Variants in SLC29A2 observed in about 807,000 individuals in gnomAD.
SLC29A2 encodes equilibrative nucleoside transporter 2.
A neutral mutation model predicts 48.8 loss-of-function variants in SLC29A2; 37 were observed. The observed-to-expected ratio is 0.76, with a 90% CI of 0.58 to 1.00. The LOEUF (loss-of-function observed/expected upper bound fraction) is 1.00, where lower values mean the gene tolerates loss of function less well. Among genes scored for constraint, SLC29A2 ranks in the 50% least tolerant of loss-of-function variants. The probability of loss-of-function intolerance (pLI) is 0.00; values close to 1 mark genes in which losing one functional copy is unlikely to be tolerated. For synonymous variants in SLC29A2, 233 were observed against 261.7 expected (o/e 0.89, Z 1.06); for missense variants, 533 against 578.6 (o/e 0.92, Z 0.81).
Position 66,364,346 on chromosome 11 carries a change from C to G in SLC29A2, c.1138G>C (p.Val380Leu). ...LFVPLFMLCH[V>L]PQRSRLPILF... ...ATGGGCAGCCGGGACCTCTGGGGCA[C>G]GTGGCACAGCATGAAGAGGGGCACG... The change falls in exon 11 of 12, where the codon GTG (valine) becomes CTG (leucine). Residue 380 changes from valine (V) to leucine (L), a missense_variant. By Grantham distance (32) the Val-to-Leu change is conservative. Coordinates refer to ENST00000357440, the MANE Select transcript of SLC29A2 (RefSeq NM_001532.3). The G allele has an allele frequency of 6.2e-7, 1 of 1,613,938 alleles. No individual in the cohort carries two copies. Among genetic ancestry groups the G allele is most frequent in the East Asian group, 2.2e-5 (1 of 44,872 alleles).
In SLC29A2 at chr11:66,367,552, CAGA is replaced by C. The variant is rs1390385898; in HGVS notation, c.649-7_649-5del. 5.6e-6 allele frequency: 9 copies of C among 1,613,878 alleles called. No individual in the cohort carries two copies. The highest frequency in any genetic ancestry group is 2.7e-5 in the African/African-American group (2 of 74,908). On this transcript the variant is annotated splice_polypyrimidine_tract_variant and splice_region_variant and intron_variant, in intron 6 of 11. Coordinates refer to ENST00000357440, the MANE Select transcript of SLC29A2 (RefSeq NM_001532.3). ...CCAGGTAGTAGCGGGCAAACTTCTG[CAGA>C]AGGACAGGAAAGTGTTGGGCCTGCC...
chr11:66,369,065 A>G lies in SLC29A2; in HGVS notation c.410T>C (p.Ile137Thr). ...FSITMASVCF[I>T]NSFSAVLQGS... The stretch of plus-strand genomic sequence containing the variant: ...GAGGGGGTGGAGGTGCTCACAGTTG[A>G]TGAAGCAGACGGAGGCCATGGTGAT... Residue 137 changes from isoleucine to threonine, a missense_variant, in exon 4 of 12, where the codon ATC (isoleucine) becomes ACC (threonine). By Grantham distance (89) the Ile-to-Thr change is moderately conservative. Coordinates refer to ENST00000357440, the MANE Select transcript of SLC29A2 (RefSeq NM_001532.3). The G allele has an allele frequency of 3.1e-6, 5 of 1,600,308 alleles. No individual in the cohort carries two copies. The highest frequency in any genetic ancestry group is 4.3e-6 in the Non-Finnish European group (5 of 1,173,710).
chr11:66,371,887 C>T, upstream of SLC29A2: 1 of 489,072 alleles, frequency 2.0e-6, no homozygotes, highest in South Asian at 2.7e-5. Flanking sequence ...ACCTAGGGGC[C>T]TGCGGAACCC....
chr11:66,363,731 A>T (rs1475994512), intron 11 of SLC29A2, 184 bp from the exon 12 acceptor site: 7 of 626,124 alleles, frequency 1.1e-5, no homozygotes, highest in African/African-American at 1.8e-5. Context: ...GATGTCTCTC[A>T]GGGCCTCTGA....
chr11:66,367,635 G>T, intron 6 of SLC29A2, 87 bp from the exon 7 acceptor site: 1 of 1,512,522 alleles, frequency 6.6e-7, no homozygotes, highest in Non-Finnish European at 9.2e-7. Context: ...GGAGGCTGGG[G>T]CCCCTCAGTG....
Position 66,369,193 on chromosome 11 carries a change from C to T in SLC29A2, c.282G>A (p.Pro94=), listed in dbSNP as rs755913191. Residue 94 remains proline, a synonymous_variant, in exon 4 of 12, where the codon CCG becomes CCA. Transcript: ENST00000357440. ...LLNSFLYQCV[P]ETVRILGSLL... is the part of the protein sequence containing the mutation. ...GGCTGCCCAGAATGCGCACCGTCTC[C>T]GGGACGCTGCTCAGAAGCAGGCAGA... 9 of 1,574,412 alleles carry T rather than the reference C, an allele frequency of 5.7e-6. No homozygotes were observed. The highest frequency in any genetic ancestry group is 3.5e-5 in the South Asian group (3 of 86,642).
chr11:66,367,396 C>T lies in SLC29A2; in HGVS notation c.733+68G>A, dbSNP rs1855761154. On this transcript the variant is annotated intron_variant, in intron 7 of 11. Coordinates refer to ENST00000357440, the MANE Select transcript of SLC29A2 (RefSeq NM_001532.3). ...CTCTGGCTGGGAACAGATGGAACAG[C>T]TTCCCAGGGGAGGTGGCTCTAGCTT... is the stretch of plus-strand genomic sequence containing the variant. 2.2e-6 allele frequency: 3 copies of T among 1,348,438 alleles called. No individual in the cohort carries two copies. In the Admixed American group the frequency reaches 5.0e-5, roughly 23 times the overall value. The allele number at this position is 1,348,438 out of a possible 1,614,324, so 83.5% of individuals were successfully genotyped here.
chr11:66,372,015 C>G (rs1856081426), upstream of SLC29A2: 1 of 225,556 alleles, frequency 4.4e-6, no homozygotes, highest in Admixed American at 5.8e-5. Flanking sequence ...CTCACCTCCA[C>G]CCCCCGCCGA....
chr11:66,367,305 G>T (rs1855754649), intron 7 of SLC29A2, among the ~76,000 whole-genome samples, 159 bp downstream of exon 7: 1 of 152,182 alleles, frequency 6.6e-6, no homozygotes, highest in Non-Finnish European at 1.5e-5. Flanking sequence ...CAACAGCAGG[G>T]ATGACTTTAA....
At chr11:66,367,661 AG>A in intron 6 of SLC29A2, 110 bp downstream of exon 6, 2 of 1,461,184 alleles carry the variant, frequency 1.4e-6, no homozygotes, top group Non-Finnish European at 1.9e-6. Context: ...TCTGGGGGTC[AG>A]GGCTGAGACC....
rs1277838469 is a variant in SLC29A2 at position 66,367,530 on chromosome 11, G to A, written c.667C>T (p.Leu223=). ...LPHLKFARYY[L]ANKSSQAQAQ... The stretch of plus-strand genomic sequence containing the variant: ...TGGGCCTGGGATGATTTATTGGCCA[G>A]GTAGTAGCGGGCAAACTTCTGCAGA... Residue 223 remains leucine (L), a synonymous_variant, in exon 7 of 12, where the codon CTG becomes TTG. Coordinates refer to ENST00000357440, the MANE Select transcript of SLC29A2 (RefSeq NM_001532.3). The A allele has an allele frequency of 1.9e-6, 3 of 1,614,174 alleles. No homozygotes were observed. Among genetic ancestry groups the A allele is most frequent in the South Asian group, 1.1e-5 (1 of 91,082 alleles).
chr11:66,371,233 A>G lies in SLC29A2; in HGVS notation c.111+11T>C, dbSNP rs1286392951. Reference sequence around the variant, plus strand: ...GTGGCCACGAGGCTGCCACGCCGCCAGGAGTCTCACCGGGATGGCGGTGAT... The same window carrying G: ...GTGGCCACGAGGCTGCCACGCCGCCGGGAGTCTCACCGGGATGGCGGTGAT... On this transcript the variant is annotated intron_variant, in intron 2 of 11. Transcript: ENST00000357440. 13 of 1,612,842 alleles carry G rather than the reference A, an allele frequency of 8.1e-6. No homozygotes were observed. In the East Asian group the frequency reaches 2.7e-4, roughly 33 times the overall value.
chr11:66,363,949 C>T (rs1855513966), intron 11 of SLC29A2, among the ~76,000 whole-genome samples: 1 of 80,474 alleles, frequency 1.2e-5, no homozygotes, highest in Non-Finnish European at 3.7e-5. Flanking sequence ...GACAGTTCAA[C>T]CCATTTTTTT....
At position 66,371,681 on chromosome 11, in the gene SLC29A2, CG is replaced by C. The variant is rs1856057098; in HGVS notation, c.-91del. On this transcript the variant is annotated 5_prime_UTR_variant, in exon 1 of 12. Coordinates refer to ENST00000357440, the MANE Select transcript of SLC29A2 (RefSeq NM_001532.3). ...GGCGGAGGGCCGCAGACCGGTGGGG[CG>C]GGGGGCGGGTCTCCCCAGATTCCGG... The C allele has an allele frequency of 2.1e-5, 19 of 911,418 alleles. No homozygotes were observed. The highest frequency in any genetic ancestry group is 2.8e-5 in the Non-Finnish European group (17 of 601,576). 56.5% of individuals were successfully genotyped at this position (911,418 alleles called of 1,614,324 possible).
In SLC29A2 at chr11:66,364,256, G is replaced by C; in HGVS notation, c.1228C>G (p.Leu410Val). 6.3e-7 allele frequency: 1 copy of C among 1,578,546 alleles called. No homozygotes were observed. The highest frequency in any genetic ancestry group is 8.6e-7 in the Non-Finnish European group (1 of 1,159,034). The change falls in exon 11 of 12, where the codon CTG (leucine) becomes GTG (valine). Residue 410 changes from leucine to valine, a missense_variant. Transcript: ENST00000357440. ...GCCAGGCACATGGTGAGGGACACCAGGTAGCCATTAGAAACGGCAAAGAGC... is the reference window on the plus strand; with the variant it reads ...GCCAGGCACATGGTGAGGGACACCACGTAGCCATTAGAAACGGCAAAGAGC... ...MLLFAVSNGYLVSLTMCLAPR... is the reference protein window; with the variant it reads ...MLLFAVSNGYVVSLTMCLAPR...
chr11:66,368,429 C>T, intron 5 of SLC29A2, 108 bp downstream of exon 5: 1 of 1,458,430 alleles, frequency 6.9e-7, no homozygotes, highest in East Asian at 2.3e-5. Flanking sequence ...ATATCACCTG[C>T]TTACCTCCAT....
At chr11:66,371,916 C>T, upstream of SLC29A2, 1 of 438,006 alleles carries the variant, frequency 2.3e-6, no homozygotes, top group Admixed American at 4.3e-5. Flanking sequence ...CCCGCACAGC[C>T]CCTCCCCGCA....
At chr11:66,371,161 G>A (rs886512329) in intron 2 of SLC29A2, 83 bp downstream of exon 2, 3 of 1,285,506 alleles carry the variant, frequency 2.3e-6, no homozygotes, top group Non-Finnish European at 3.4e-6. Context: ...CGGTGAGGAA[G>A]CGCCCGCTAA....
chr11:66,366,154 C>A lies in SLC29A2; in HGVS notation c.945G>T (p.Val315=). 6.2e-7 allele frequency: 1 copy of A among 1,614,162 alleles called. No homozygotes were observed. The highest frequency in any genetic ancestry group is 1.1e-5 in the South Asian group (1 of 91,054). ...ACTTCCCAGGACTGGTGGAGCTGGTCACCATGGCTGTGATGGCGGGGAAGA... is the reference window on the plus strand; with the variant it reads ...ACTTCCCAGGACTGGTGGAGCTGGTAACCATGGCTGTGATGGCGGGGAAGA... ...LSVFPAITAM[V]TSSTSPGKWS... Residue 315 remains valine, a synonymous_variant, in exon 9 of 12, where the codon GTG becomes GTT. Transcript: ENST00000357440.
Sources: allele counts gnomAD v4.1 joint callset (sites outside exome capture counted in the v4.1 genomes callset), GRCh38; gene constraint gnomAD v4.1.1; transcripts MANE v1.5; gene names NCBI Gene and HGNC (gene_info 2026-07-23, HGNC 2026-07-21).